The following TPCN1 variants were observed in gnomAD, a reference collection of about 807,000 sequenced individuals.
The protein encoded by TPCN1 is two pore segment channel 1, also known as two pore channel protein 1.
In TPCN1, 52 loss-of-function variants were observed where a neutral mutation model predicts 108.8. That is an observed-to-expected ratio of 0.48 (90% CI 0.38 to 0.60). The LOEUF (loss-of-function observed/expected upper bound fraction) is 0.60, where lower values mean the gene tolerates loss of function less well. Among genes scored for constraint, TPCN1 ranks in the 20% least tolerant of loss-of-function variants. The pLI is 0.00. For missense variants in TPCN1, 806 were observed against 1,072.8 expected (o/e 0.75, Z 3.47); for synonymous variants, 446 against 433.7 (o/e 1.03, Z -0.35).
intron 1 of TPCN1, among the ~76,000 whole-genome samples, chr12:113,223,020 A>G (rs761850352): frequency 1.3e-5 from 2 of 152,248 alleles, no homozygotes; most frequent in Admixed American, 6.5e-5. Flanking sequence ...AAGTTAAACC[A>G]AAACGACAAT....
Position 113,266,241 on chromosome 12 carries a change from A to T in TPCN1, c.299A>T (p.Tyr100Phe). 1.2e-6 allele frequency: 2 copies of T among 1,613,932 alleles called. No homozygotes were observed. Among genetic ancestry groups the T allele is most frequent in the African/African-American group, 2.7e-5 (2 of 74,972 alleles). ...HPKDAKALAA[Y>F]LFAHNHLFYL... ...AAGGATGCCAAGGCGCTGGCGGCCT[A>T]CCTCTTTGCACACAATCACCTCTTC... Residue 100 changes from tyrosine to phenylalanine, a missense_variant, in exon 4 of 28, where the codon TAC becomes TTC. Physicochemically the swap from Tyr to Phe is conservative, Grantham distance 22 (BLOSUM62 3). Coordinates refer to ENST00000335509, the MANE Select transcript of TPCN1 (RefSeq NM_017901.6). This position sits in a 1 kb window ranked among gnomAD's most constrained non-coding sequence, Gnocchi z 4.2.
intron 7 of TPCN1, among the ~76,000 whole-genome samples, chr12:113,271,920 G>A: frequency 6.6e-6 from 1 of 152,206 alleles, no homozygotes; most frequent in East Asian, 1.9e-4. Flanking sequence ...GTGGCACTCA[G>A]CTGGGAAAGC....
rs902380421 is a variant in TPCN1, at chr12:113,252,398, G to A, written c.113-7970G>A. Among the ~76,000 whole-genome samples, 14 of 152,284 alleles carry A rather than the reference G, an allele frequency of 9.2e-5. 1 individual carries two copies. In the East Asian group the frequency reaches 1.5e-3, roughly 17 times the overall value. On this transcript the variant is annotated intron_variant, in intron 2 of 27. Coordinates refer to ENST00000335509, the MANE Select transcript of TPCN1 (RefSeq NM_017901.6). ...CAGACGTTGTCTCCCCACCAGGAAC[G>A]GGCTGAGAGAGCCTCCTGAGCACAA...
chr12:113,255,487 CT>C (rs201378482), intron 2 of TPCN1, among the ~76,000 whole-genome samples: 5,322 of 147,630 alleles, frequency 0.036, 201 homozygotes, highest in East Asian at 0.14. Flanking sequence ...TCCCAGCAGA[CT>C]TTTTTTTTTA....
intron 23 of TPCN1, 147 bp from the exon 24 acceptor site, chr12:113,291,462 G>A: frequency 1.4e-6 from 1 of 699,606 alleles, no homozygotes; most frequent in Admixed American, 2.4e-5. Context: ...TAGGCCCAGA[G>A]GGGCAAGCTT....
chr12:113,255,627 G>A (rs1046122134), intron 2 of TPCN1, among the ~76,000 whole-genome samples: 3 of 152,018 alleles, frequency 2.0e-5, no homozygotes, highest in African/African-American at 7.3e-5. Flanking sequence ...CTGGGCTCAA[G>A]TGAGTCTCAT....
rs143269162 is a variant in TPCN1, at chr12:113,278,314, C to T, written c.1233+77C>T. The T allele has an allele frequency of 4.9e-4, 632 of 1,287,168 alleles. 5 individuals are homozygous for T. In the East Asian group the frequency reaches 0.014, roughly 28 times the overall value. The allele number at this position is 1,287,168 out of a possible 1,614,324, so 79.7% of individuals were successfully genotyped here. On this transcript the variant is annotated intron_variant, in intron 13 of 27. Coordinates refer to ENST00000335509, the MANE Select transcript of TPCN1 (RefSeq NM_017901.6). ...GGGGCAGTGAGGAGCAGGGGCACCC[C>T]GAGATCCAGCTCTCTCCCTGCTAGA...
In TPCN1 at chr12:113,273,186, G is replaced by T. The variant is rs151327811; in HGVS notation, c.784-46G>T. On this transcript the variant is annotated intron_variant, in intron 8 of 27. Transcript: ENST00000335509. The surrounding 1 kb of genome is among the most constrained non-coding windows in gnomAD (Gnocchi z 4.0). ...ATCACAGCCTGTTCCTGATGGCCGTGTGCTCTTGGCTGGTCCCGACTTCTC... is the reference window on the plus strand; with the variant it reads ...ATCACAGCCTGTTCCTGATGGCCGTTTGCTCTTGGCTGGTCCCGACTTCTC... 4.8e-4 allele frequency: 758 copies of T among 1,586,850 alleles called. 4 individuals are homozygous for T. In the African/African-American group the frequency reaches 8.7e-3, roughly 18 times the overall value.
At chr12:113,282,859 G>A (rs1955937149) in intron 15 of TPCN1, among the ~76,000 whole-genome samples, 1 of 152,170 alleles carries the variant, frequency 6.6e-6, no homozygotes, top group East Asian at 1.9e-4. Context: ...GCCGAGGCGG[G>A]CAGATCACTT....
chr12:113,287,827 C>A (rs1956135470), intron 19 of TPCN1, among the ~76,000 whole-genome samples: 1 of 152,234 alleles, frequency 6.6e-6, no homozygotes, highest in Non-Finnish European at 1.5e-5. Context: ...CTCCCCGGGG[C>A]ACATGGGCTT....
At position 113,266,087 on chromosome 12, in the gene TPCN1, CT is replaced by C; in HGVS notation, c.238-92del. ...CTGGCCTGAATCTCTCCTCGCCTGC[CT>C]GGGGCCTTCCTTTCCTCCCCTGCCC... On this transcript the variant is annotated intron_variant, in intron 3 of 27. Transcript: ENST00000335509. This position sits in a 1 kb window ranked among gnomAD's most constrained non-coding sequence, Gnocchi z 4.2. 2.2e-6 allele frequency: 3 copies of C among 1,389,826 alleles called. No individual in the cohort carries two copies. The South Asian group carries it at 3.9e-5, about 18-fold the overall frequency. The allele number at this position is 1,389,826 out of a possible 1,614,324, so 86.1% of individuals were successfully genotyped here. A position where few individuals can be genotyped will look rare whatever the true frequency, so the allele number is the denominator to read the frequency against.
chr12:113,254,259 A>G (rs1376927627), intron 2 of TPCN1, among the ~76,000 whole-genome samples: 2 of 152,252 alleles, frequency 1.3e-5, no homozygotes, highest in African/African-American at 4.8e-5. Flanking sequence ...TAGGGAAGAA[A>G]TAATACCAAT....
At chr12:113,263,407 C>A (rs1955120556) in intron 3 of TPCN1, among the ~76,000 whole-genome samples, 1 of 152,170 alleles carries the variant, frequency 6.6e-6, no homozygotes, top group African/African-American at 2.4e-5. Flanking sequence ...ATTACAGGCA[C>A]CTGCCGCCAC....
At chr12:113,251,947 A>G (rs1446223216) in intron 2 of TPCN1, among the ~76,000 whole-genome samples, 1 of 152,214 alleles carries the variant, frequency 6.6e-6, no homozygotes, top group Non-Finnish European at 1.5e-5. Context: ...GTGAAAGACA[A>G]GAGGCCCCAA....
intron 7 of TPCN1, among the ~76,000 whole-genome samples, chr12:113,270,889 G>T (rs761583914): frequency 3.9e-5 from 6 of 152,118 alleles, no homozygotes; most frequent in Non-Finnish European, 8.8e-5. Flanking sequence ...TGGGGATTAG[G>T]ATTTCAACAT....
intron 14 of TPCN1, among the ~76,000 whole-genome samples, chr12:113,279,370 TA>T (rs1566189237): frequency 1.6e-3 from 40 of 25,690 alleles, no homozygotes; most frequent in African/African-American, 7.0e-3. Context: ...TATATATATA[TA>T]TATATATATA....
intron 4 of TPCN1, among the ~76,000 whole-genome samples, chr12:113,267,023 G>A (rs1053571651): frequency 4.6e-5 from 7 of 152,094 alleles, no homozygotes; most frequent in East Asian, 1.9e-4. Context: ...CCCCCATGCC[G>A]TCACCTGTGC....
Position 113,244,867 on chromosome 12 carries a change from G to C in TPCN1, c.113-15501G>C, listed in dbSNP as rs1297587278. On this transcript the variant is annotated intron_variant, in intron 2 of 27. Coordinates refer to ENST00000335509, the MANE Select transcript of TPCN1 (RefSeq NM_017901.6). ...AACTGTGGGGAGTGGAGGAGGCACA[G>C]CTGGAGTGAACTTGGGTGTCCAGGG... The C allele has an allele frequency of 7.4e-6, 5 of 673,066 alleles. No homozygotes were observed. The East Asian group carries it at 6.7e-4, about 90-fold the overall frequency. 41.7% of individuals were successfully genotyped at this position (673,066 alleles called of 1,614,324 possible).
intron 2 of TPCN1, among the ~76,000 whole-genome samples, chr12:113,241,040 G>A (rs954070974): frequency 1.3e-5 from 2 of 152,134 alleles, no homozygotes; most frequent in African/African-American, 2.4e-5. Context: ...ATGAGCCACC[G>A]CTCCTGGCCA....
Sources: gnomAD v4.1 joint callset for allele counts (sites outside exome capture counted in the v4.1 genomes callset) on GRCh38, gnomAD v4.1.1 for gene constraint, Gnocchi (gnomAD v3.1) non-coding constraint, MANE v1.5 for transcripts, NCBI Gene and HGNC (gene_info 2026-07-23, HGNC 2026-07-21) for gene names.